Variants in NRG2 observed in about 807,000 individuals in gnomAD.
The protein encoded by NRG2 is neuregulin 2.
In NRG2, 27 loss-of-function variants were observed where a neutral mutation model predicts 73.9. The ratio of observed to expected loss-of-function variants is 0.37; its 90% confidence interval spans 0.27 to 0.50. The LOEUF is 0.50. Ranked by LOEUF, NRG2 falls within the 20% of genes least tolerant of loss-of-function variation. NRG2 has a pLI of 0.96. For synonymous variants in NRG2, 532 were observed against 541.0 expected, an observed-to-expected ratio of 0.98 and a Z score of 0.23; for missense variants, 1,126 against 1,210.1, an observed-to-expected ratio of 0.93 and a Z score of 1.03.
chr5:139,982,385 G>A (rs751298313), intron 1 of NRG2, among the ~76,000 whole-genome samples: 4 of 151,804 alleles, frequency 2.6e-5, no homozygotes, highest in East Asian at 1.9e-4. Context: ...GATCCAAACC[G>A]CCAGGACTGT....
At chr5:139,936,663 G>T (rs530487224) in intron 1 of NRG2, among the ~76,000 whole-genome samples, 10 of 152,078 alleles carry the variant, frequency 6.6e-5, no homozygotes, top group Non-Finnish European at 1.0e-4. Context: ...CTATGAGGCT[G>T]GTATTGCTCT....
chr5:139,871,643 T>C, intron 4 of NRG2, 78 bp downstream of exon 4: 1 of 1,574,032 alleles, frequency 6.4e-7, no homozygotes, highest in Non-Finnish European at 8.7e-7. Flanking sequence ...GAACCCTCTT[T>C]TCCTAGAGCC....
chr5:139,871,844 G>T lies in NRG2; in HGVS notation c.992-3C>A. ...CCAGGATGACAGGGTGGTGCTCACT[G>T]AGGGTATGAGAGACATGTGCCAGTG... On this transcript the variant is annotated splice_polypyrimidine_tract_variant and splice_region_variant and intron_variant, in intron 3 of 9. Transcript: ENST00000361474. 1.9e-6 allele frequency: 3 copies of T among 1,613,590 alleles called. No individual in the cohort carries two copies. The highest frequency in any genetic ancestry group is 1.1e-5 in the South Asian group (1 of 91,018).
At chr5:139,914,423 C>T (rs564361442) in intron 1 of NRG2, among the ~76,000 whole-genome samples, 2 of 152,232 alleles carry the variant, frequency 1.3e-5, no homozygotes, top group South Asian at 4.1e-4. Context: ...TTAAGGCCAC[C>T]CCAGGCGTGG....
At chr5:139,996,299 C>A (rs1298389900) in intron 1 of NRG2, among the ~76,000 whole-genome samples, 1 of 152,066 alleles carries the variant, frequency 6.6e-6, no homozygotes, top group Non-Finnish European at 1.5e-5. Flanking sequence ...TAAACTTCTG[C>A]AAAAATGATG....
intron 2 of NRG2, among the ~76,000 whole-genome samples, chr5:139,881,230 CCT>C (rs1321728058): frequency 6.6e-6 from 1 of 152,176 alleles, no homozygotes; most frequent in Non-Finnish European, 1.5e-5. Context: ...ATCTATGATC[CCT>C]CACATCCGCT....
At chr5:139,941,083 G>C (rs567360397) in intron 1 of NRG2, among the ~76,000 whole-genome samples, 2 of 152,296 alleles carry the variant, frequency 1.3e-5, no homozygotes, top group African/African-American at 4.8e-5. Flanking sequence ...ATGTGAGATT[G>C]GGCAACTGCA....
At chr5:139,985,659 T>G (rs565921549) in intron 1 of NRG2, among the ~76,000 whole-genome samples, 2 of 152,212 alleles carry the variant, frequency 1.3e-5, no homozygotes, top group Non-Finnish European at 2.9e-5. Flanking sequence ...CAAAGAGGTT[T>G]ACGGACCTTT....
At chr5:139,956,481 A>G (rs1754636746) in intron 1 of NRG2, among the ~76,000 whole-genome samples, 1 of 152,138 alleles carries the variant, frequency 6.6e-6, no homozygotes, top group Admixed American at 6.5e-5. Context: ...TGAGGGAAGG[A>G]TCAAGCTGTT....
intron 1 of NRG2, among the ~76,000 whole-genome samples, chr5:139,996,739 G>A (rs1206118925): frequency 6.6e-6 from 1 of 152,176 alleles, no homozygotes; most frequent in Non-Finnish European, 1.5e-5. Flanking sequence ...TATACCGTAA[G>A]ACCCTTGAAG....
At chr5:140,032,076 C>CA (rs1761201007) in intron 1 of NRG2, among the ~76,000 whole-genome samples, 1 of 152,050 alleles carries the variant, frequency 6.6e-6, no homozygotes, top group Admixed American at 6.6e-5. Context: ...GTCTACTAGG[C>CA]AAAAAGGTGC....
chr5:139,975,859 T>C (rs57734675), intron 1 of NRG2, among the ~76,000 whole-genome samples: 2,145 of 152,286 alleles, frequency 0.014, 40 homozygotes, highest in African/African-American at 0.049. Flanking sequence ...GGGACTCCAA[T>C]AGGGTAATAG....
chr5:139,891,003 G>A (rs561459505), intron 1 of NRG2, among the ~76,000 whole-genome samples: 2 of 152,304 alleles, frequency 1.3e-5, no homozygotes, highest in South Asian at 2.1e-4. Context: ...AACACAGAGA[G>A]CTCTTATCAG....
intron 1 of NRG2, among the ~76,000 whole-genome samples, chr5:140,039,188 G>A (rs1190409457): frequency 6.6e-6 from 1 of 152,102 alleles, no homozygotes; most frequent in African/African-American, 2.4e-5. Context: ...TATTCAATAA[G>A]GAAACTGCTT....
chr5:139,975,298 C>T (rs1373412544), intron 1 of NRG2, among the ~76,000 whole-genome samples: 1 of 152,248 alleles, frequency 6.6e-6, no homozygotes, highest in Non-Finnish European at 1.5e-5. Flanking sequence ...ACTTCATGGT[C>T]AGACCCTTTT....
chr5:139,952,082 T>C (rs1754247126), intron 1 of NRG2, among the ~76,000 whole-genome samples: 1 of 152,234 alleles, frequency 6.6e-6, no homozygotes, highest in Admixed American at 6.5e-5. Flanking sequence ...TCCTTGTGTG[T>C]AAAATAAAGA....
At chr5:140,019,783 T>A (rs1760078204) in intron 1 of NRG2, among the ~76,000 whole-genome samples, 2 of 151,316 alleles carry the variant, frequency 1.3e-5, no homozygotes, top group South Asian at 4.1e-4. Flanking sequence ...TCAATAAATG[T>A]GAGTGTCTCT....
intron 1 of NRG2, among the ~76,000 whole-genome samples, chr5:139,902,723 G>A (rs981504027): frequency 1.3e-5 from 2 of 152,154 alleles, no homozygotes; most frequent in Admixed American, 6.5e-5. Context: ...TGGGAGTGGG[G>A]TGGGTAATGG....
chr5:139,867,657 A>G (rs1336780408), intron 4 of NRG2, among the ~76,000 whole-genome samples: 1 of 152,152 alleles, frequency 6.6e-6, no homozygotes, highest in Non-Finnish European at 1.5e-5. Flanking sequence ...ATGAAGACCC[A>G]GGAAGTTGCC....
Sources: gnomAD v4.1 joint callset for allele counts (sites outside exome capture counted in the v4.1 genomes callset) on GRCh38, gnomAD v4.1.1 for gene constraint, MANE v1.5 for transcripts, NCBI Gene and HGNC (gene_info 2026-07-23, HGNC 2026-07-21) for gene names.